Variants in MYO1D observed in about 807,000 individuals in gnomAD.
The protein encoded by MYO1D is unconventional myosin-Id.
MYO1D carries 83 observed loss-of-function variants against 122.0 expected under a neutral mutation model. The observed-to-expected ratio is 0.68, with a 90% confidence interval of 0.57 to 0.82. The LOEUF is 0.82. Ranked by LOEUF, MYO1D falls within the 40% of genes least tolerant of loss-of-function variation. MYO1D has a pLI of 0.00. For synonymous variants in MYO1D, 464 were observed against 446.9 expected, an observed-to-expected ratio of 1.04 and a Z score of -0.48; for missense variants, 1,157 against 1,269.5, an observed-to-expected ratio of 0.91 and a Z score of 1.35.
At chr17:32,703,600 C>T (rs748810826) in intron 16 of MYO1D, among the ~76,000 whole-genome samples, 2 of 151,838 alleles carry the variant, frequency 1.3e-5, no homozygotes, top group Non-Finnish European at 2.9e-5. Context: ...TTTGATCTTG[C>T]CCTATGATTC....
rs368987127 is a variant in MYO1D, at chr17:32,795,701, T to TGCAACTTGGGGCA, written c.96-14930_96-14918dup. The stretch of plus-strand genomic sequence containing the variant: ...TCTCTTCTCAGGCCCAGTTCCAAGG[T>TGCAACTTGGGGCA]GCAACTTGGGGCAGCAACTTGCGCC... On this transcript the variant is annotated intron_variant, in intron 1 of 21. Transcript: ENST00000318217. 3.6e-3 allele frequency among the ~76,000 whole-genome samples: 552 copies of TGCAACTTGGGGCA among 152,264 alleles called. 3 individuals carry two copies. Among genetic ancestry groups the TGCAACTTGGGGCA allele is most frequent in the African/African-American group, 0.012 (515 of 41,538 alleles).
At chr17:32,552,451 TC>T (rs879604779) in intron 21 of MYO1D, among the ~76,000 whole-genome samples, 9,745 of 150,238 alleles carry the variant, frequency 0.065, 340 homozygotes, top group Non-Finnish European at 0.072. Context: ...CATCCATCCA[TC>T]CATCCATCCA....
intron 1 of MYO1D, among the ~76,000 whole-genome samples, chr17:32,784,801 C>A (rs1007896301): frequency 6.6e-6 from 1 of 152,010 alleles, no homozygotes; most frequent in Non-Finnish European, 1.5e-5. Flanking sequence ...ACATGCACAA[C>A]CCCACAGAAA....
intron 1 of MYO1D, among the ~76,000 whole-genome samples, chr17:32,813,214 C>A (rs1400705141): frequency 6.6e-6 from 1 of 152,212 alleles, no homozygotes; most frequent in Non-Finnish European, 1.5e-5. Context: ...ACTCATTCAT[C>A]TAACAAATAT....
chr17:32,563,959 G>A (rs1440261905), intron 21 of MYO1D, among the ~76,000 whole-genome samples: 2 of 152,242 alleles, frequency 1.3e-5, no homozygotes, highest in African/African-American at 2.4e-5. Context: ...AAGGGAATAT[G>A]CAAGTAGCAG....
chr17:32,584,501 C>CTT (rs937941663), intron 21 of MYO1D, among the ~76,000 whole-genome samples: 6 of 143,546 alleles, frequency 4.2e-5, no homozygotes, highest in African/African-American at 1.0e-4. Flanking sequence ...ATCTTCAGAA[C>CTT]TTTTTTTTTT....
chr17:32,761,906 A>G (rs540900614), intron 8 of MYO1D, among the ~76,000 whole-genome samples: 2 of 152,314 alleles, frequency 1.3e-5, no homozygotes, highest in East Asian at 3.9e-4. Context: ...ATAGTTTGTT[A>G]GAGATACAGG....
In MYO1D at chr17:32,877,037, G is replaced by C. The variant is rs2091241839; in HGVS notation, c.-165C>G. ...CGGGCCGGACAGAGGCCGCCTCGCT[G>C]CTCCTCGGCGCCTTCTCGGCCGGCG... On this transcript the variant is annotated 5_prime_UTR_variant, in exon 1 of 22. Transcript: ENST00000318217. The C allele has an allele frequency of 7.7e-6, 2 of 258,398 alleles. No individual in the cohort carries two copies. The highest frequency in any genetic ancestry group is 2.3e-5 in the African/African-American group (1 of 43,936). The allele number at this position is 258,398 out of a possible 1,614,324, so 16.0% of individuals were successfully genotyped here.
At chr17:32,699,000 C>G (rs2089210376) in intron 16 of MYO1D, among the ~76,000 whole-genome samples, 1 of 152,096 alleles carries the variant, frequency 6.6e-6, no homozygotes, top group Non-Finnish European at 1.5e-5. Context: ...ACAAGTCTTG[C>G]TCTGTCGCCC....
intron 1 of MYO1D, among the ~76,000 whole-genome samples, chr17:32,843,447 A>G (rs2090904064): frequency 6.6e-6 from 1 of 152,236 alleles, no homozygotes; most frequent in Admixed American, 6.5e-5. Context: ...ATAACCTGCC[A>G]AATTAGTAAT....
chr17:32,716,776 G>A (rs2089453342), intron 15 of MYO1D, among the ~76,000 whole-genome samples: 1 of 152,198 alleles, frequency 6.6e-6, no homozygotes, highest in African/African-American at 2.4e-5. Context: ...CCCATGGCAG[G>A]CAAGAGGCAC....
chr17:32,593,957 G>A (rs999544180), intron 21 of MYO1D, among the ~76,000 whole-genome samples: 1 of 152,160 alleles, frequency 6.6e-6, no homozygotes, highest in Non-Finnish European at 1.5e-5. Flanking sequence ...AACAAAACCA[G>A]TTATATATAT....
chr17:32,814,936 G>A (rs1346414835), intron 1 of MYO1D, among the ~76,000 whole-genome samples: 2 of 152,216 alleles, frequency 1.3e-5, no homozygotes, highest in Non-Finnish European at 2.9e-5. Context: ...TCAACAGCCA[G>A]CCAACAAAAG....
chr17:32,543,846 G>A (rs1360840903), intron 21 of MYO1D, among the ~76,000 whole-genome samples: 1 of 151,694 alleles, frequency 6.6e-6, no homozygotes, highest in Non-Finnish European at 1.5e-5. Context: ...AGGCTGGATT[G>A]CAATGGCATA....
rs866544624 is a variant in MYO1D at position 32,683,850 on chromosome 17, T to C, written c.2122-24512A>G. ...GGCGGGCGCCCCTCCCCCAGCCTCG[T>C]TGCCGCCTTGCAGTTTGATCTCAGA... is the stretch of plus-strand genomic sequence containing the variant. On this transcript the variant is annotated intron_variant, in intron 16 of 21. Transcript: ENST00000318217. 3.8e-4 allele frequency among the ~76,000 whole-genome samples: 57 copies of C among 151,174 alleles called. No individual in the cohort carries two copies. In the East Asian group the frequency reaches 4.1e-3, roughly 11 times the overall value.
chr17:32,689,538 T>G (rs1403508606), intron 16 of MYO1D, among the ~76,000 whole-genome samples: 1 of 152,192 alleles, frequency 6.6e-6, no homozygotes, highest in Non-Finnish European at 1.5e-5. Context: ...AAAGTATGAC[T>G]CATCACGTCC....
At position 32,541,610 on chromosome 17, in the gene MYO1D, T is replaced by C. The variant is rs182711158; in HGVS notation, c.2865-46695A>G. On this transcript the variant is annotated intron_variant, in intron 21 of 21. Transcript: ENST00000318217. ...TATCACAATAAAGCTCTTTAGATAG[T>C]TAGCTAGAAAGTATCTAGAATCAGA... Among the ~76,000 whole-genome samples the C allele has an allele frequency of 3.9e-5, 6 of 152,344 alleles. No homozygotes were observed. In the East Asian group the frequency reaches 1.2e-3, roughly 29 times the overall value.
intron 8 of MYO1D, among the ~76,000 whole-genome samples, chr17:32,761,474 G>A (rs1251949911): frequency 6.6e-6 from 1 of 152,188 alleles, no homozygotes; most frequent in East Asian, 1.9e-4. Context: ...TCTGGATTTC[G>A]GATAATAGCC....
At chr17:32,607,114 C>T (rs1030115979) in intron 20 of MYO1D, among the ~76,000 whole-genome samples, 14 of 152,084 alleles carry the variant, frequency 9.2e-5, no homozygotes, top group Admixed American at 1.3e-4. Context: ...GAGTTGAGAT[C>T]GCGTCACTGC....
Sources: allele counts gnomAD v4.1 joint callset (sites outside exome capture counted in the v4.1 genomes callset), GRCh38; gene constraint gnomAD v4.1.1; transcripts MANE v1.5; gene names NCBI Gene and HGNC (gene_info 2026-07-23, HGNC 2026-07-21).